Variants in RAD50 observed in about 807,000 individuals in gnomAD.
RAD50 encodes DNA repair protein RAD50.
RAD50 carries 132 observed loss-of-function variants against 168.8 expected under a neutral mutation model. The observed-to-expected ratio is 0.78, with a 90% CI of 0.68 to 0.90. RAD50 has a LOEUF of 0.90. Ranked by LOEUF, RAD50 falls within the 40% of genes least tolerant of loss-of-function variation. The probability of loss-of-function intolerance (pLI) is 0.00; values close to 1 mark genes in which losing one functional copy is unlikely to be tolerated. For missense variants in RAD50, 1,347 were observed against 1,534.4 expected, an observed-to-expected ratio of 0.88 and a Z score of 2.04; for synonymous variants, 525 against 497.4, an observed-to-expected ratio of 1.06 and a Z score of -0.74.
At chr5:132,624,754 T>C (rs1454549518) in intron 21 of RAD50, among the ~76,000 whole-genome samples, 1 of 151,558 alleles carries the variant, frequency 6.6e-6, no homozygotes, top group Non-Finnish European at 1.5e-5. Flanking sequence ...ACAAAAATTA[T>C]CTGGGCGTGG....
At chr5:132,570,934 G>A (rs1023517909) in intron 2 of RAD50, among the ~76,000 whole-genome samples, 3 of 151,928 alleles carry the variant, frequency 2.0e-5, no homozygotes, top group Admixed American at 1.3e-4. Flanking sequence ...CTCTTCTTTC[G>A]CTTAAACACT....
rs113053126 is a variant in RAD50 at position 132,609,255 on chromosome 5, T to C, written c.2923-28T>C. On this transcript the variant is annotated intron_variant, in intron 18 of 24. Coordinates refer to ENST00000378823, the MANE Select transcript of RAD50 (RefSeq NM_005732.4). ...ATTTATTTGATTGTATTTTTATTCA[T>C]GTGCTTAAAGAATTTTCTTTTTTGT... 3.3e-4 allele frequency: 537 copies of C among 1,608,122 alleles called. 7 individuals are homozygous for C. In the African/African-American group the frequency reaches 6.4e-3, roughly 19 times the overall value.
chr5:132,637,993 G>T, intron 22 of RAD50, 88 bp from the exon 23 acceptor site: 1 of 1,407,056 alleles, frequency 7.1e-7, no homozygotes, highest in Non-Finnish European at 1.0e-6. Flanking sequence ...AGCCTCATCT[G>T]TTGTTCCTAG....
chr5:132,645,491 T>C lies in RAD50; in HGVS notation c.*3127T>C, dbSNP rs1451954131. On this transcript the variant is annotated 3_prime_UTR_variant, in exon 25 of 25. Coordinates refer to ENST00000378823, the MANE Select transcript of RAD50 (RefSeq NM_005732.4). ...TTAGTACTCAGAGTCTGCACCTCTT[T>C]TCTTCTCTGTGCTCACTTATTTGGT... The C allele has an allele frequency of 6.6e-6, 1 of 152,330 alleles. No homozygotes were observed. Among genetic ancestry groups the C allele is most frequent in the Non-Finnish European group, 1.5e-5 (1 of 68,080 alleles). The allele number at this position is 152,330 out of a possible 1,614,324, so 9.4% of individuals were successfully genotyped here.
intron 11 of RAD50, chr5:132,593,334 A>C (rs1339093628): frequency 6.5e-6 from 1 of 153,254 alleles, no homozygotes; most frequent in Non-Finnish European, 1.5e-5. Context: ...ACAAGTTAGT[A>C]TGAGTTTGTT....
chr5:132,599,704 T>A (rs927842308), intron 13 of RAD50, among the ~76,000 whole-genome samples: 2 of 151,730 alleles, frequency 1.3e-5, no homozygotes, highest in African/African-American at 4.8e-5. Flanking sequence ...ATTACAGGCA[T>A]AAGCCACCAT....
chr5:132,601,816 T>C (rs1163567414), intron 13 of RAD50, among the ~76,000 whole-genome samples: 1 of 152,216 alleles, frequency 6.6e-6, no homozygotes, highest in African/African-American at 2.4e-5. Context: ...GATGAGTTCA[T>C]GTCCCTTGCA....
chr5:132,561,630 A>G (rs1005953938), intron 2 of RAD50, among the ~76,000 whole-genome samples: 3 of 152,200 alleles, frequency 2.0e-5, no homozygotes, highest in Non-Finnish European at 2.9e-5. Flanking sequence ...CCACATTTAT[A>G]TATTTGACCC....
In RAD50 at chr5:132,642,414, A is replaced by G. The variant is rs372801368; in HGVS notation, c.*50A>G. 5.4e-6 allele frequency: 8 copies of G among 1,488,916 alleles called. No homozygotes were observed. In the African/African-American group the frequency reaches 1.1e-4, roughly 21 times the overall value. The allele number at this position is 1,488,916 out of a possible 1,614,324, so 92.2% of individuals were successfully genotyped here. On this transcript the variant is annotated 3_prime_UTR_variant, in exon 25 of 25. Coordinates refer to ENST00000378823, the MANE Select transcript of RAD50 (RefSeq NM_005732.4). ...AGAAATGTAGGTCCTCAGAAAGTGT[A>G]TAATAAGAAACTTATTTCTCATATC...
chr5:132,613,594 C>CTTT (rs869151568), intron 19 of RAD50, among the ~76,000 whole-genome samples: 1,945 of 111,080 alleles, frequency 0.018, 93 homozygotes, highest in African/African-American at 0.067. Context: ...TCACAATAGT[C>CTTT]TTTTTTTTTT....
chr5:132,592,361 TG>T (rs1341997740), intron 11 of RAD50, among the ~76,000 whole-genome samples: 1 of 152,146 alleles, frequency 6.6e-6, no homozygotes, highest in Non-Finnish European at 1.5e-5. Context: ...AGCATAAAAA[TG>T]GGTGCCCTTT....
chr5:132,623,700 T>A (rs963747006), intron 21 of RAD50, among the ~76,000 whole-genome samples: 3 of 152,180 alleles, frequency 2.0e-5, no homozygotes, highest in African/African-American at 7.2e-5. Flanking sequence ...TACCTTAGAT[T>A]TTGGTGGTGG....
chr5:132,585,524 A>G (rs1037257126), intron 5 of RAD50, among the ~76,000 whole-genome samples: 2 of 151,734 alleles, frequency 1.3e-5, no homozygotes, highest in Admixed American at 6.6e-5. Flanking sequence ...GTAAAATATA[A>G]AAGTCTTTTG....
At chr5:132,626,894 C>T (rs1751380772) in intron 21 of RAD50, among the ~76,000 whole-genome samples, 2 of 151,838 alleles carry the variant, frequency 1.3e-5, no homozygotes, top group African/African-American at 4.8e-5. Context: ...TTTCTGGAGA[C>T]GGAGTCTCAC....
chr5:132,639,353 C>CAAA (rs980327824), intron 23 of RAD50, among the ~76,000 whole-genome samples: 5,239 of 82,530 alleles, frequency 0.063, 418 homozygotes, highest in African/African-American at 0.21. Context: ...AACTCCGTCT[C>CAAA]AAAAAAAAAA....
At position 132,625,399 on chromosome 5, in the gene RAD50, T is replaced by A. The variant is rs569247999; in HGVS notation, c.3389+7105T>A. Among the ~76,000 whole-genome samples the A allele has an allele frequency of 1.8e-3, 280 of 152,302 alleles. 2 individuals are homozygous for A. Among genetic ancestry groups the A allele is most frequent in the African/African-American group, 6.2e-3 (258 of 41,572 alleles). On this transcript the variant is annotated intron_variant, in intron 21 of 24. Coordinates refer to ENST00000378823, the MANE Select transcript of RAD50 (RefSeq NM_005732.4). ...CCGCGCCCGGCCGAATTCTTTTTTT[T>A]AAAAAAAGTTTTATTCTTATTTTTT... is the stretch of plus-strand genomic sequence containing the variant.
chr5:132,595,350 A>T, intron 12 of RAD50: 1 of 515,056 alleles, frequency 1.9e-6, no homozygotes, highest in Non-Finnish European at 3.3e-6. Context: ...GCATTTTGTT[A>T]TACTTATAAT....
intron 4 of RAD50, 99 bp from the exon 5 acceptor site, chr5:132,579,760 CATT>C (rs1750470637): frequency 9.3e-7 from 1 of 1,079,508 alleles, no homozygotes; most frequent in Non-Finnish European, 1.4e-6. Flanking sequence ...ATTAAAAACT[CATT>C]GTAACTGTAA....
At position 132,604,886 on chromosome 5, in the gene RAD50, G is replaced by T. The variant is rs764449224; in HGVS notation, c.2605G>T (p.Glu869Ter). 7 of 1,613,652 alleles carry T rather than the reference G, an allele frequency of 4.3e-6. No individual in the cohort carries two copies. Among genetic ancestry groups the T allele is most frequent in the Non-Finnish European group, 5.1e-6 (6 of 1,179,594 alleles). ...QIQHLKSTTNELKSEKLQIST... is the reference protein window; with the variant it reads ...QIQHLKSTTN ...TCAACATCTAAAAAGTACAACAAAT[G>T]AGCTAAAATCTGAGAAACTTCAGAT... is the stretch of plus-strand genomic sequence containing the variant. The change falls in exon 16 of 25, where the codon GAG becomes TAG. Residue 869 changes from glutamate to a stop codon, truncating the protein, a stop_gained. Coordinates refer to ENST00000378823, the MANE Select transcript of RAD50 (RefSeq NM_005732.4). LOFTEE classifies it high-confidence loss of function.
Sources: gnomAD v4.1 joint callset for allele counts (sites outside exome capture counted in the v4.1 genomes callset) on GRCh38, gnomAD v4.1.1 for gene constraint, MANE v1.5 for transcripts, NCBI Gene and HGNC (gene_info 2026-07-23, HGNC 2026-07-21) for gene names.